The following ETS1 variants were observed in gnomAD, a reference collection of about 807,000 sequenced individuals.
The protein encoded by ETS1 is ETS proto-oncogene 1, transcription factor.
A neutral mutation model predicts 58.6 loss-of-function variants in ETS1; 15 were observed. The observed-to-expected ratio is 0.26, with a 90% CI of 0.17 to 0.39. The LOEUF (loss-of-function observed/expected upper bound fraction) is 0.39. Ranked by LOEUF, ETS1 falls within the 10% of genes least tolerant of loss-of-function variation. The pLI, the probability that ETS1 is intolerant of heterozygous loss-of-function variation, is 1.00. For missense variants in ETS1, 417 were observed against 610.5 expected (o/e 0.68, Z 3.34); for synonymous variants, 214 against 218.2 (o/e 0.98, Z 0.17).
chr11:128,486,580 T>C (rs976896854), intron 5 of ETS1, among the ~76,000 whole-genome samples: 4 of 152,250 alleles, frequency 2.6e-5, no homozygotes, highest in Admixed American at 1.3e-4. Flanking sequence ...CTTTAGGCCA[T>C]AGATTTTACG....
At chr11:128,468,380 CA>C (rs1403733320) in intron 8 of ETS1, among the ~76,000 whole-genome samples, 1 of 152,168 alleles carries the variant, frequency 6.6e-6, no homozygotes, top group Non-Finnish European at 1.5e-5. Flanking sequence ...ACATATATAG[CA>C]ATGGGCTAGG....
At chr11:128,469,794 A>C (rs1862136030) in intron 8 of ETS1, among the ~76,000 whole-genome samples, 2 of 152,200 alleles carry the variant, frequency 1.3e-5, no homozygotes, top group Admixed American at 6.5e-5. Context: ...ATTTTGGCTG[A>C]GTTCTATGTC....
At chr11:128,484,468 A>G (rs1369762865) in intron 7 of ETS1, among the ~76,000 whole-genome samples, 2 of 152,210 alleles carry the variant, frequency 1.3e-5, no homozygotes, top group African/African-American at 4.8e-5. Flanking sequence ...TGGCCACTTG[A>G]ACCATTTTTA....
intron 3 of ETS1, among the ~76,000 whole-genome samples, chr11:128,547,190 C>T (rs76801976): frequency 0.015 from 2,246 of 152,228 alleles, 60 homozygotes; most frequent in African/African-American, 0.051. Flanking sequence ...GAATTCATCC[C>T]AGTTCAACAA....
intron 1 of ETS1, among the ~76,000 whole-genome samples, chr11:128,580,971 T>C (rs1452603477): frequency 1.3e-5 from 2 of 152,202 alleles, no homozygotes; most frequent in African/African-American, 4.8e-5. Flanking sequence ...ACTCATGTCA[T>C]TATAATTTTA....
chr11:128,585,293 A>AGAAAGGGAG (rs1865007259), intron 1 of ETS1, among the ~76,000 whole-genome samples: 1 of 143,848 alleles, frequency 7.0e-6, no homozygotes, highest in Non-Finnish European at 1.5e-5. Flanking sequence ...AAAGAAAGAT[A>AGAAAGGGAG]GAAAGGGAGG....
chr11:128,564,343 G>T (rs971474525), intron 2 of ETS1, among the ~76,000 whole-genome samples: 1 of 152,300 alleles, frequency 6.6e-6, no homozygotes, highest in East Asian at 1.9e-4. Context: ...AGAGTAATGG[G>T]CTTGGGCCTT....
intron 1 of ETS1, among the ~76,000 whole-genome samples, chr11:128,581,010 G>A (rs912860099): frequency 6.6e-6 from 1 of 152,270 alleles, no homozygotes; most frequent in Middle Eastern, 3.4e-3. Context: ...CCTTCCTTGA[G>A]GAGTAACTCG....
At chr11:128,471,497 A>C (rs1471884582) in intron 8 of ETS1, among the ~76,000 whole-genome samples, 1 of 152,186 alleles carries the variant, frequency 6.6e-6, no homozygotes, top group African/African-American at 2.4e-5. Flanking sequence ...TTTCTTCTAA[A>C]CCCATCAGTA....
intron 3 of ETS1, among the ~76,000 whole-genome samples, chr11:128,520,658 C>A (rs1357184412): frequency 6.6e-6 from 1 of 152,170 alleles, no homozygotes; most frequent in African/African-American, 2.4e-5. Flanking sequence ...ATCATCCTTG[C>A]GAGGAGACAA....
In ETS1 at chr11:128,549,364, C is replaced by T. The variant is rs1311664437; in HGVS notation, c.214+6927G>A. ...ATTCACCCAGTGCCGCGGCCGGAGC[C>T]GAGCGGGGCCTGACGCCAGCCGGCG... On this transcript the variant is annotated intron_variant, in intron 3 of 9. Transcript: ENST00000392668. This position sits in a 1 kb window ranked among gnomAD's most constrained non-coding sequence, Gnocchi z 4.3. Among the ~76,000 whole-genome samples, 2 of 152,138 alleles carry T rather than the reference C, an allele frequency of 1.3e-5. No homozygotes were observed. Among genetic ancestry groups the T allele is most frequent in the South Asian group, 2.1e-4 (1 of 4,832 alleles).
chr11:128,543,495 G>T (rs1381563434), intron 3 of ETS1, among the ~76,000 whole-genome samples: 1 of 152,130 alleles, frequency 6.6e-6, no homozygotes, highest in Non-Finnish European at 1.5e-5. Context: ...TGGGGGAGGT[G>T]CAGAAGTACA....
At position 128,464,355 on chromosome 11, in the gene ETS1, GACACACACACACACACACACACAC is replaced by G. The variant is rs58228263; in HGVS notation, c.1124-752_1124-729del. Among the ~76,000 whole-genome samples the G allele has an allele frequency of 6.9e-6, 1 of 144,918 alleles. No individual in the cohort carries two copies. Among genetic ancestry groups the G allele is most frequent in the African/African-American group, 2.5e-5 (1 of 39,248 alleles). Reference sequence around the variant, plus strand: ...CATAGGTTCAGTATATTCTAAATTAGACACACACACACACACACACACACACACACACACACACACACTTCTCTG... The same window carrying G: ...CATAGGTTCAGTATATTCTAAATTAGACACACACACACACACACTTCTCTG... On this transcript the variant is annotated intron_variant, in intron 8 of 9. Coordinates refer to ENST00000392668, the MANE Select transcript of ETS1 (RefSeq NM_001143820.2). The surrounding 1 kb of genome is among the most constrained non-coding windows in gnomAD (Gnocchi z 4.1).
chr11:128,522,491 G>A (rs917296570), intron 3 of ETS1: 23 of 365,382 alleles, frequency 6.3e-5, no homozygotes, highest in Non-Finnish European at 8.7e-5. Context: ...CGAGCACCGC[G>A]GCCAATCTCC....
chr11:128,532,806 C>G (rs925469698), intron 3 of ETS1, among the ~76,000 whole-genome samples: 1 of 152,172 alleles, frequency 6.6e-6, no homozygotes, highest in African/African-American at 2.4e-5. Context: ...TCCAAGAGAT[C>G]ACAGCCCTCA....
chr11:128,516,787 T>C (rs1278613678), intron 3 of ETS1, among the ~76,000 whole-genome samples: 1 of 152,220 alleles, frequency 6.6e-6, no homozygotes, highest in African/African-American at 2.4e-5. Context: ...GCAACTCAAC[T>C]ATCTATGGCC....
intron 3 of ETS1, among the ~76,000 whole-genome samples, chr11:128,539,143 T>C (rs1864017627): frequency 6.6e-6 from 1 of 152,204 alleles, no homozygotes; most frequent in Admixed American, 6.5e-5. Context: ...TGTTGGGCAA[T>C]AATTTCTTAG....
At chr11:128,492,314 C>T (rs998006633) in intron 3 of ETS1, among the ~76,000 whole-genome samples, 3 of 152,170 alleles carry the variant, frequency 2.0e-5, no homozygotes, top group Non-Finnish European at 2.9e-5. Context: ...AAATATATTG[C>T]CTCTGAATGT....
intron 3 of ETS1, among the ~76,000 whole-genome samples, chr11:128,532,648 C>T (rs1024691199): frequency 6.6e-6 from 1 of 151,198 alleles, no homozygotes; most frequent in Non-Finnish European, 1.5e-5. Context: ...GCTGAGTCCT[C>T]TTGCTCTCCT....
Sources: gnomAD v4.1 joint callset for allele counts (sites outside exome capture counted in the v4.1 genomes callset) on GRCh38, gnomAD v4.1.1 for gene constraint, Gnocchi (gnomAD v3.1) non-coding constraint, MANE v1.5 for transcripts, NCBI Gene and HGNC (gene_info 2026-07-23, HGNC 2026-07-21) for gene names.